The following TTYH2 variants were observed in gnomAD, a reference collection of about 807,000 sequenced individuals.
The protein encoded by TTYH2 is tweety family member 2.
Under a neutral mutation model 68.3 loss-of-function variants are expected in TTYH2, and 49 were observed. The observed-to-expected ratio is 0.72, with a 90% CI of 0.57 to 0.91. The LOEUF (loss-of-function observed/expected upper bound fraction) is 0.91. TTYH2 is among the 40% of genes least tolerant of loss of function. The probability of loss-of-function intolerance (pLI) is 0.00; values close to 1 mark genes in which losing one functional copy is unlikely to be tolerated. For missense variants in TTYH2, 631 were observed against 700.4 expected, an observed-to-expected ratio of 0.90 and a Z score of 1.12; for synonymous variants, 272 against 300.8, an observed-to-expected ratio of 0.90 and a Z score of 0.99.
intron 10 of TTYH2, chr17:74,251,928 C>G (rs533684416): frequency 5.5e-6 from 2 of 364,108 alleles, no homozygotes; most frequent in Non-Finnish European, 1.0e-5. Flanking sequence ...CCATCCTGGC[C>G]TCAGCTTCAG....
intron 10 of TTYH2, among the ~76,000 whole-genome samples, chr17:74,250,954 T>C (rs970623338): frequency 2.0e-5 from 3 of 152,186 alleles, no homozygotes; most frequent in African/African-American, 7.2e-5. Context: ...CTCACAGTTA[T>C]ACTGTGAACC....
chr17:74,240,644 A>G (rs558523735), intron 4 of TTYH2, among the ~76,000 whole-genome samples: 50 of 152,296 alleles, frequency 3.3e-4, no homozygotes, highest in African/African-American at 1.2e-3. Flanking sequence ...AGCAAAGCAG[A>G]TATTTCCTAG....
At position 74,215,588 on chromosome 17, in the gene TTYH2, G is replaced by T; in HGVS notation, c.129+1872G>T. ...CTCCTGGGCAGCTGACACCAGCCCTGCCCACTGGCTCCTGGTCCCGCTCAC... is the reference window on the plus strand; with the variant it reads ...CTCCTGGGCAGCTGACACCAGCCCTTCCCACTGGCTCCTGGTCCCGCTCAC... On this transcript the variant is annotated intron_variant, in intron 1 of 13. Coordinates refer to ENST00000269346, the MANE Select transcript of TTYH2 (RefSeq NM_032646.6). This position sits in a 1 kb window ranked among gnomAD's most constrained non-coding sequence, Gnocchi z 4.3. 6.5e-7 allele frequency: 1 copy of T among 1,527,898 alleles called. No individual in the cohort carries two copies. The highest frequency in any genetic ancestry group is 8.8e-7 in the Non-Finnish European group (1 of 1,141,040). The allele number at this position is 1,527,898 out of a possible 1,614,324, so 94.6% of individuals were successfully genotyped here. A position where few individuals can be genotyped will look rare whatever the true frequency, so the allele number is the denominator to read the frequency against.
intron 3 of TTYH2, 118 bp downstream of exon 3, chr17:74,231,117 G>A (rs769129624): frequency 5.6e-5 from 53 of 947,480 alleles, no homozygotes; most frequent in African/African-American, 1.9e-4. Flanking sequence ...GCTGTGTGAC[G>A]CCTGAGGGCT....
rs759974151 is a variant in TTYH2, at chr17:74,250,335, T to C, written c.1094T>C (p.Val365Ala). Residue 365 changes from valine (V) to alanine (A), a missense_variant, in exon 10 of 14, where the codon GTG becomes GCG. Physicochemically the swap from Val to Ala is moderately conservative, Grantham distance 64. Coordinates refer to ENST00000269346, the MANE Select transcript of TTYH2 (RefSeq NM_032646.6). The part of the protein sequence containing the change: ...ESSLHQLTAM[V>A]DCRGLHKDYL... Reference sequence around the variant, plus strand: ...AGCCTTCACCAGCTGACCGCCATGGTGGACTGCCGAGGGCTGCACAAGGTG... The same window carrying C: ...AGCCTTCACCAGCTGACCGCCATGGCGGACTGCCGAGGGCTGCACAAGGTG... The C allele has an allele frequency of 6.2e-7, 1 of 1,613,466 alleles. No homozygotes were observed. Among genetic ancestry groups the C allele is most frequent in the Admixed American group, 1.7e-5 (1 of 59,952 alleles).
intron 13 of TTYH2, among the ~76,000 whole-genome samples, chr17:74,258,275 G>GT (rs2050712979): frequency 1.3e-5 from 2 of 151,588 alleles, no homozygotes; most frequent in Non-Finnish European, 2.9e-5. Flanking sequence ...TGCCTTTTTT[G>GT]TTTTTTTGAG....
chr17:74,258,526 C>CA (rs1278650309), intron 13 of TTYH2, among the ~76,000 whole-genome samples: 18 of 152,070 alleles, frequency 1.2e-4, no homozygotes, highest in Non-Finnish European at 2.4e-4. Flanking sequence ...CTCGGCTTCC[C>CA]AAAGTGCTGG....
At chr17:74,240,317 T>C (rs1190798359) in intron 4 of TTYH2, among the ~76,000 whole-genome samples, 1 of 152,116 alleles carries the variant, frequency 6.6e-6, no homozygotes, top group Non-Finnish European at 1.5e-5. Context: ...CGCACGCCTG[T>C]AGTCCCAGCT....
rs1015756418 is a variant in TTYH2, at chr17:74,215,450, A to G, written c.129+1734A>G. ...CAGTCCCATGGGCAGGTGGCAGTTG[A>G]GCCAGATGAACCTACCTCCAGCCTC... On this transcript the variant is annotated intron_variant, in intron 1 of 13. Coordinates refer to ENST00000269346, the MANE Select transcript of TTYH2 (RefSeq NM_032646.6). This position sits in a 1 kb window ranked among gnomAD's most constrained non-coding sequence, Gnocchi z 4.3. Among the ~76,000 whole-genome samples the G allele has an allele frequency of 3.3e-5, 5 of 152,078 alleles. No individual in the cohort carries two copies. The highest frequency in any genetic ancestry group is 1.2e-4 in the African/African-American group (5 of 41,418).
In TTYH2 at chr17:74,253,141, G is replaced by A; in HGVS notation, c.1320G>A (p.Met440Ile). The change falls in exon 12 of 14, where the codon ATG becomes ATA. Residue 440 changes from methionine (M) to isoleucine (I), a missense_variant. Transcript: ENST00000269346. ...CCTTTAACCCCCAAGCCTGGCGCAT[G>A]GCGGCTCACAGTCCCCCGAGGGGAC... ...DDPFNPQAWR[M>I]AAHSPPRGQL... 1.9e-6 allele frequency: 3 copies of A among 1,613,968 alleles called. No individual in the cohort carries two copies. The highest frequency in any genetic ancestry group is 2.5e-6 in the Non-Finnish European group (3 of 1,179,944).
rs1465425472 is a variant in TTYH2 at position 74,232,454 on chromosome 17, G to A, written c.414+1455G>A. ...GCTGAGCGCTGAGTCCCAGTGCGGA[G>A]ATGCTAGTCTGGAACAGCCTTGCGC... On this transcript the variant is annotated intron_variant, in intron 3 of 13. Transcript: ENST00000269346. The surrounding 1 kb of genome is among the most constrained non-coding windows in gnomAD (Gnocchi z 5.1). Among the ~76,000 whole-genome samples the A allele has an allele frequency of 1.3e-5, 2 of 152,226 alleles. No homozygotes were observed. The highest frequency in any genetic ancestry group is 3.9e-4 in the East Asian group (2 of 5,182).
chr17:74,223,276 CTT>C (rs1187472026), intron 2 of TTYH2, among the ~76,000 whole-genome samples: 2 of 129,406 alleles, frequency 1.5e-5, no homozygotes, highest in African/African-American at 7.1e-5. Flanking sequence ...GCCTGCCTGG[CTT>C]TTTTTTTGGG....
At chr17:74,253,310 C>G in intron 12 of TTYH2, 44 bp downstream of exon 12, 1 of 1,524,680 alleles carries the variant, frequency 6.6e-7, no homozygotes, top group Non-Finnish European at 8.8e-7. Context: ...ACTGCCCGGA[C>G]AGCATGTTGG....
rs2050214016 is a variant in TTYH2 at position 74,215,539 on chromosome 17, G to A, written c.129+1823G>A. On this transcript the variant is annotated intron_variant, in intron 1 of 13. Coordinates refer to ENST00000269346, the MANE Select transcript of TTYH2 (RefSeq NM_032646.6). This position sits in a 1 kb window ranked among gnomAD's most constrained non-coding sequence, Gnocchi z 4.3. ...TGCTGGGCATCAAATGGTTCCAGAG[G>A]GTGTCCCTTCCCATCGGCCACTGCT... The A allele has an allele frequency of 8.2e-7, 1 of 1,219,576 alleles. No homozygotes were observed. The highest frequency in any genetic ancestry group is 1.5e-5 in the African/African-American group (1 of 66,576). The allele number at this position is 1,219,576 out of a possible 1,614,324, so 75.5% of individuals were successfully genotyped here. A position where few individuals can be genotyped will look rare whatever the true frequency, so the allele number is the denominator to read the frequency against.
chr17:74,258,714 A>G (rs545390951), intron 13 of TTYH2, among the ~76,000 whole-genome samples: 2 of 152,050 alleles, frequency 1.3e-5, no homozygotes, highest in African/African-American at 4.8e-5. Context: ...GTTCCTGTAC[A>G]TTGTAGGACG....
chr17:74,258,987 A>G (rs889204750), intron 13 of TTYH2, among the ~76,000 whole-genome samples: 1 of 152,064 alleles, frequency 6.6e-6, no homozygotes, highest in African/African-American at 2.4e-5. Flanking sequence ...GAAGCTTGTT[A>G]GAAGTGCAGA....
At chr17:74,229,213 C>T (rs901041280) in intron 2 of TTYH2, among the ~76,000 whole-genome samples, 7 of 152,070 alleles carry the variant, frequency 4.6e-5, no homozygotes, top group African/African-American at 1.7e-4. Context: ...TCAAGAGAGA[C>T]CCAAGGTTGG....
chr17:74,240,086 A>G (rs766691673), intron 4 of TTYH2, among the ~76,000 whole-genome samples: 13 of 152,152 alleles, frequency 8.5e-5, no homozygotes, highest in African/African-American at 3.1e-4. Context: ...CACATCAGCT[A>G]TTTCAGCGTG....
chr17:74,229,909 T>C (rs893328233), intron 2 of TTYH2, among the ~76,000 whole-genome samples: 3 of 152,156 alleles, frequency 2.0e-5, no homozygotes, highest in Non-Finnish European at 2.9e-5. Context: ...GGCAGGTGGA[T>C]CACCTGAGGT....
Sources: gnomAD v4.1 joint callset for allele counts (sites outside exome capture counted in the v4.1 genomes callset) on GRCh38, gnomAD v4.1.1 for gene constraint, Gnocchi (gnomAD v3.1) non-coding constraint, MANE v1.5 for transcripts, NCBI Gene and HGNC (gene_info 2026-07-23, HGNC 2026-07-21) for gene names.